TRDN: variants seen among roughly 807,000 people sequenced by gnomAD.
TRDN encodes triadin in skeletal muscle.
TRDN carries 161 observed loss-of-function variants against 149.7 expected under a neutral mutation model. That is an observed-to-expected ratio of 1.08 (90% CI 0.95 to 1.23). The LOEUF (loss-of-function observed/expected upper bound fraction) is 1.23, where lower values mean the gene tolerates loss of function less well. Ranked by LOEUF, TRDN falls within the 50% of genes most tolerant of loss-of-function variation. The probability of loss-of-function intolerance (pLI) is 0.00; values close to 1 mark genes in which losing one functional copy is unlikely to be tolerated. For synonymous variants in TRDN, 294 were observed against 250.5 expected, an observed-to-expected ratio of 1.17 and a Z score of -1.64; for missense variants, 896 against 823.5, an observed-to-expected ratio of 1.09 and a Z score of -1.08.
intron 9 of TRDN, among the ~76,000 whole-genome samples, chr6:123,477,803 G>C (rs868052821): frequency 6.6e-6 from 1 of 150,470 alleles, no homozygotes; most frequent in Non-Finnish European, 1.5e-5. Flanking sequence ...GTAAACTATC[G>C]CAAGAACAAA....
intron 2 of TRDN, among the ~76,000 whole-genome samples, chr6:123,566,191 T>G (rs1025254246): frequency 6.6e-6 from 1 of 152,202 alleles, no homozygotes; most frequent in Non-Finnish European, 1.5e-5. Context: ...AGTCTGTTTA[T>G]TTGGTGCCTT....
rs534199558 is a variant in TRDN at position 123,384,817 on chromosome 6, T to C, written c.1136-2670A>G. ...CTAAAGTAATAGAGGAACTTAAAAA[T>C]ATAGTGCTTGGAGTCCAAAGATCAC... On this transcript the variant is annotated intron_variant, in intron 14 of 40. Coordinates refer to ENST00000334268, the MANE Select transcript of TRDN (RefSeq NM_006073.4). Among the ~76,000 whole-genome samples, 3 of 152,256 alleles carry C rather than the reference T, an allele frequency of 2.0e-5. No individual in the cohort carries two copies. The East Asian group carries it at 5.8e-4, about 29-fold the overall frequency.
intron 1 of TRDN, among the ~76,000 whole-genome samples, chr6:123,621,528 G>A (rs1785382738): frequency 1.3e-5 from 2 of 151,934 alleles, no homozygotes; most frequent in Non-Finnish European, 2.9e-5. Flanking sequence ...TCCCCCAATT[G>A]AAACAAAAAT....
At chr6:123,255,450 T>C (rs1776524329) in intron 36 of TRDN, among the ~76,000 whole-genome samples, 1 of 152,200 alleles carries the variant, frequency 6.6e-6, no homozygotes. Context: ...TGTCTAAGAA[T>C]GCTTTCCTCC....
At chr6:123,291,747 A>G (rs191947065) in intron 24 of TRDN, among the ~76,000 whole-genome samples, 19 of 152,338 alleles carry the variant, frequency 1.2e-4, no homozygotes, top group Admixed American at 9.2e-4. Context: ...TGGCCTAAAT[A>G]TCAAAATCAA....
intron 1 of TRDN, among the ~76,000 whole-genome samples, chr6:123,581,616 G>A (rs1296143638): frequency 6.6e-6 from 1 of 152,154 alleles, no homozygotes; most frequent in African/African-American, 2.4e-5. Context: ...AAGTAGCAAA[G>A]AAAACATTTT....
At chr6:123,311,089 T>C (rs1192105359) in intron 24 of TRDN, among the ~76,000 whole-genome samples, 1 of 151,950 alleles carries the variant, frequency 6.6e-6, no homozygotes, top group Non-Finnish European at 1.5e-5. Context: ...TACCGAAGAC[T>C]GGGTAATTTT....
intron 20 of TRDN, among the ~76,000 whole-genome samples, chr6:123,353,072 T>A (rs1440920742): frequency 6.6e-6 from 1 of 151,924 alleles, no homozygotes; most frequent in African/African-American, 2.4e-5. Flanking sequence ...GGGGATTATT[T>A]GGGTGCTGTA....
chr6:123,443,931 T>C (rs1174389674), intron 10 of TRDN, among the ~76,000 whole-genome samples: 1 of 150,972 alleles, frequency 6.6e-6, no homozygotes, highest in East Asian at 1.9e-4. Context: ...AGCCTTGTAG[T>C]ATAGTTTGAA....
At chr6:123,475,812 T>G (rs34268062) in intron 9 of TRDN, among the ~76,000 whole-genome samples, 19,131 of 151,280 alleles carry the variant, frequency 0.13, 1,714 homozygotes, top group South Asian at 0.29. Flanking sequence ...AAAAACCACA[T>G]GATTATCTCA....
chr6:123,514,787 T>C (rs1779344341), intron 6 of TRDN, among the ~76,000 whole-genome samples: 1 of 152,098 alleles, frequency 6.6e-6, no homozygotes. Flanking sequence ...TGCAGAGACA[T>C]GGATGAAGCT....
At chr6:123,531,326 T>G (rs1294128383) in intron 4 of TRDN, among the ~76,000 whole-genome samples, 3 of 152,074 alleles carry the variant, frequency 2.0e-5, no homozygotes, top group Admixed American at 6.6e-5. Context: ...AGAAAAATGC[T>G]AATGAGGTTT....
chr6:123,316,659 T>C (rs1779035897), intron 23 of TRDN, among the ~76,000 whole-genome samples, 164 bp from the exon 24 acceptor site: 1 of 151,908 alleles, frequency 6.6e-6, no homozygotes, highest in Non-Finnish European at 1.5e-5. Context: ...ATTAATGGAA[T>C]ATGTATCTTT....
rs191971982 is a variant in TRDN, at chr6:123,233,633, C to G, written c.1976-9502G>C. On this transcript the variant is annotated intron_variant, in intron 38 of 40. Transcript: ENST00000334268. ...AATGCGCCTTATACACAACCTTTCT[C>G]TGGAGTTTAGCAAAAGGGGTGATCA... 3.2e-4 allele frequency among the ~76,000 whole-genome samples: 48 copies of G among 152,160 alleles called. 1 individual carries two copies. In the South Asian group the frequency reaches 4.4e-3, roughly 14 times the overall value.
intron 22 of TRDN, among the ~76,000 whole-genome samples, chr6:123,333,630 C>T (rs1779748840): frequency 6.6e-6 from 1 of 151,968 alleles, no homozygotes; most frequent in Non-Finnish European, 1.5e-5. Context: ...CCACAGACTT[C>T]TCTGAGGAAT....
intron 38 of TRDN, among the ~76,000 whole-genome samples, chr6:123,228,932 C>T (rs7741645): frequency 0.53 from 80,652 of 151,604 alleles, 22,767 homozygotes; most frequent in African/African-American, 0.72. Context: ...CCCTCAGTGG[C>T]GATGAAAAGT....
At chr6:123,427,645 A>T (rs1401424918) in intron 12 of TRDN, among the ~76,000 whole-genome samples, 1 of 152,146 alleles carries the variant, frequency 6.6e-6, no homozygotes, top group Non-Finnish European at 1.5e-5. Context: ...AATAAAAAGT[A>T]AGTCTACACC....
intron 9 of TRDN, among the ~76,000 whole-genome samples, chr6:123,491,762 C>A (rs1057286708): frequency 6.6e-6 from 1 of 152,110 alleles, no homozygotes; most frequent in Non-Finnish European, 1.5e-5. Context: ...ATTCCCGAAA[C>A]TTTTGTTGTG....
chr6:123,574,618 A>C (rs1458483197), intron 1 of TRDN, among the ~76,000 whole-genome samples: 1 of 151,836 alleles, frequency 6.6e-6, no homozygotes, highest in Non-Finnish European at 1.5e-5. Context: ...GCAGTTTTTT[A>C]ACCACTGGAA....
Sources: allele counts gnomAD v4.1 joint callset (sites outside exome capture counted in the v4.1 genomes callset), GRCh38; gene constraint gnomAD v4.1.1; transcripts MANE v1.5; gene names NCBI Gene and HGNC (gene_info 2026-07-23, HGNC 2026-07-21).